ARHGEF2: variants seen among roughly 807,000 people sequenced by gnomAD.
ARHGEF2 encodes Rho/Rac guanine nucleotide exchange factor 2, also known as rho guanine nucleotide exchange factor 2.
Under a neutral mutation model 121.0 loss-of-function variants are expected in ARHGEF2, and 22 were observed. The ratio of observed to expected loss-of-function variants is 0.18; its 90% CI spans 0.13 to 0.26. The LOEUF is 0.26. ARHGEF2 is among the 10% of genes least tolerant of loss of function. The pLI is 1.00. For synonymous variants in ARHGEF2, 487 were observed against 530.0 expected, an observed-to-expected ratio of 0.92 and a Z score of 1.11; for missense variants, 907 against 1,336.0, an observed-to-expected ratio of 0.68 and a Z score of 5.01.
At chr1:155,960,933 C>T (rs2102656258) in intron 11 of ARHGEF2, among the ~76,000 whole-genome samples, 1 of 152,314 alleles carries the variant, frequency 6.6e-6, no homozygotes, top group Non-Finnish European at 1.5e-5. Flanking sequence ...GCTGTCTCTT[C>T]TCCTCCCTGC....
At position 155,952,256 on chromosome 1, in the gene ARHGEF2, G is replaced by A. The variant is rs755162571; in HGVS notation, c.1985-21C>T. ...CTCCACTGTGGGGAAAGAGGAAGAG[G>A]TGAGAACAGGAATGACACAGGACCC... is the stretch of plus-strand genomic sequence containing the variant. On this transcript the variant is annotated intron_variant, in intron 15 of 21. Transcript: ENST00000361247. The A allele has an allele frequency of 3.1e-6, 5 of 1,613,500 alleles. No individual in the cohort carries two copies. The South Asian group carries it at 3.3e-5, about 11-fold the overall frequency.
In ARHGEF2 at chr1:155,951,505, T is replaced by C. The variant is rs1236531052; in HGVS notation, c.2237A>G (p.Tyr746Cys). The C allele has an allele frequency of 6.2e-6, 10 of 1,613,986 alleles. No individual in the cohort carries two copies. Among genetic ancestry groups the C allele is most frequent in the South Asian group, 1.1e-5 (1 of 91,088 alleles). ...GACCTGTAGGCCATGTAGAAGTCCA[T>C]AGAGATTGACCAATCGCTGTAACGC... is the stretch of plus-strand genomic sequence containing the variant. The part of the protein sequence containing the change: ...EEALQRLVNL[Y>C]GLLHGLQAAV... Residue 746 changes from tyrosine (Y) to cysteine (C), a missense_variant, in exon 19 of 22, where the codon TAT becomes TGT. Physicochemically the swap from Tyr to Cys is radical, Grantham distance 194. Around this residue, in one of 2 missense-constraint regions of ARHGEF2, gnomAD observed 432 missense variants for 559.5 expected, o/e 0.77. Coordinates refer to ENST00000361247, the MANE Select transcript of ARHGEF2 (RefSeq NM_001162383.2). The surrounding 1 kb of genome is among the most constrained non-coding windows in gnomAD (Gnocchi z 5.1).
In ARHGEF2 at chr1:155,965,665, A is replaced by G. The variant is rs2102673285; in HGVS notation, c.436T>C (p.Leu146=). The G allele has an allele frequency of 6.2e-7, 1 of 1,611,524 alleles. No homozygotes were observed. Among genetic ancestry groups the G allele is most frequent in the South Asian group, 1.1e-5 (1 of 90,838 alleles). The change falls in exon 5 of 22, where the codon TTA becomes CTA. Residue 146 remains leucine, a synonymous_variant. Coordinates refer to ENST00000361247, the MANE Select transcript of ARHGEF2 (RefSeq NM_001162383.2). This position sits in a 1 kb window ranked among gnomAD's most constrained non-coding sequence, Gnocchi z 6.0. ...TTGGTGGTAGAAACACTCTTGGCTAAAGACAAGGAGGAGCGGCCACGGCGG... is the reference window on the plus strand; with the variant it reads ...TTGGTGGTAGAAACACTCTTGGCTAGAGACAAGGAGGAGCGGCCACGGCGG... The part of the protein sequence containing the change: ...GSRRGRSSLS[L]AKSVSTTNIA...
intron 11 of ARHGEF2, among the ~76,000 whole-genome samples, chr1:155,958,835 T>G (rs985558221): frequency 6.9e-6 from 1 of 145,854 alleles, no homozygotes; most frequent in African/African-American, 2.6e-5. Flanking sequence ...AGTTTCGGCC[T>G]CCCAAAGTGC....
intron 11 of ARHGEF2, among the ~76,000 whole-genome samples, chr1:155,960,090 C>T (rs1677576249): frequency 6.6e-6 from 1 of 152,148 alleles, no homozygotes; most frequent in African/African-American, 2.4e-5. Flanking sequence ...ACACTCCAAG[C>T]TCTCAGATCC....
At position 155,978,513 on chromosome 1, in the gene ARHGEF2, G is replaced by A; in HGVS notation, c.-86C>T. 7.6e-7 allele frequency: 1 copy of A among 1,318,658 alleles called. No homozygotes were observed. Among genetic ancestry groups the A allele is most frequent in the Admixed American group, 3.4e-5 (1 of 29,164 alleles). 81.7% of individuals were successfully genotyped at this position (1,318,658 alleles called of 1,614,324 possible). On this transcript the variant is annotated 5_prime_UTR_variant, in exon 1 of 22. Coordinates refer to ENST00000361247, the MANE Select transcript of ARHGEF2 (RefSeq NM_001162383.2). This position sits in a 1 kb window ranked among gnomAD's most constrained non-coding sequence, Gnocchi z 4.1. The stretch of plus-strand genomic sequence containing the variant: ...GAAGGCGGGGGGAGGGGTTCGGCCC[G>A]CACGCGTTGGTCTCGGGGACAGGAA...
chr1:155,966,876 T>G lies in ARHGEF2; in HGVS notation c.220A>C (p.Thr74Pro), dbSNP rs1474552110. The change falls in exon 3 of 22, where the codon ACT becomes CCT. Residue 74 changes from threonine (T) to proline (P), a missense_variant. Transcript: ENST00000361247. ...EALICPTCNV[T>P]IHNRCKDTLA... ...GTGTCTTTACAGCGGTTGTGGATAG[T>G]CACATTGCAGGCTGGGAGGGTGGGG... The G allele has an allele frequency of 6.2e-7, 1 of 1,613,392 alleles. No homozygotes were observed. The highest frequency in any genetic ancestry group is 1.7e-5 in the Admixed American group (1 of 59,954).
chr1:155,966,303 G>A (rs1679360343), intron 4 of ARHGEF2, 113 bp downstream of exon 4: 1 of 1,037,060 alleles, frequency 9.6e-7, no homozygotes, highest in Non-Finnish European at 1.5e-6. Flanking sequence ...TTCCAATCAA[G>A]AAGAGGAAGG....
chr1:155,972,379 C>T (rs992667103), intron 1 of ARHGEF2: 7 of 445,604 alleles, frequency 1.6e-5, no homozygotes, highest in African/African-American at 8.0e-5. Context: ...GCTATTGTCC[C>T]GGAGGTTGCC....
chr1:155,950,574 C>G lies in ARHGEF2; in HGVS notation c.2704-92G>C, dbSNP rs373744397. The G allele has an allele frequency of 1.3e-4, 171 of 1,366,288 alleles. No individual in the cohort carries two copies. Among genetic ancestry groups the G allele is most frequent in the East Asian group, 9.9e-4 (43 of 43,468 alleles). The allele number at this position is 1,366,288 out of a possible 1,614,324, so 84.6% of individuals were successfully genotyped here. On this transcript the variant is annotated intron_variant, in intron 20 of 21. Transcript: ENST00000361247. This position sits in a 1 kb window ranked among gnomAD's most constrained non-coding sequence, Gnocchi z 5.2. ...TTGGCTGAAGGCAGCAGCTCTCCCCCCTGGGGCTCACCCATGAGTCCCCTT... is the reference window on the plus strand; with the variant it reads ...TTGGCTGAAGGCAGCAGCTCTCCCCGCTGGGGCTCACCCATGAGTCCCCTT...
At chr1:155,948,504 GCCTGTAATCC>G (rs1674749117) in intron 21 of ARHGEF2, among the ~76,000 whole-genome samples, 1 of 151,972 alleles carries the variant, frequency 6.6e-6, no homozygotes, top group Non-Finnish European at 1.5e-5. Context: ...GGTGGCATGC[GCCTGTAATCC>G]CAGCTACTCG....
rs1679116049 is a variant in ARHGEF2 at position 155,965,184 on chromosome 1, T to G, written c.581-53A>C. 23 of 1,610,002 alleles carry G rather than the reference T, an allele frequency of 1.4e-5. No homozygotes were observed. The highest frequency in any genetic ancestry group is 1.9e-5 in the Non-Finnish European group (22 of 1,177,104). On this transcript the variant is annotated intron_variant, in intron 6 of 21. Coordinates refer to ENST00000361247, the MANE Select transcript of ARHGEF2 (RefSeq NM_001162383.2). The surrounding 1 kb of genome is among the most constrained non-coding windows in gnomAD (Gnocchi z 6.0). ...GAGGTCTTGAGTTCCCTTCCCTGGG[T>G]CCCTGGCCCTTCTCTAGATCCCTTC...
intron 7 of ARHGEF2, 52 bp from the exon 8 acceptor site, chr1:155,963,235 G>C (rs754120502): frequency 6.3e-7 from 1 of 1,584,408 alleles, no homozygotes; most frequent in African/African-American, 1.3e-5. Context: ...GCTAAAACTC[G>C]TGGGGCCCTA....
chr1:155,947,943 T>TA lies in ARHGEF2; in HGVS notation c.2959dup (p.Ter987LeufsTer17). On this transcript the variant is annotated frameshift_variant and stop_lost, in exon 22 of 22. Coordinates refer to ENST00000361247, the MANE Select transcript of ARHGEF2 (RefSeq NM_001162383.2). LOFTEE classifies it high-confidence loss of function. The stretch of plus-strand genomic sequence containing the variant: ...ACGGGGCAGGGGGGAGGGGCCCCCT[T>TA]AGCTCTCGGAGGCTACAGCCTCCCC... The TA allele has an allele frequency of 6.5e-7, 1 of 1,549,756 alleles. No individual in the cohort carries two copies.
Position 155,947,859 on chromosome 1 carries a change from A to G in ARHGEF2, c.*83T>C, listed in dbSNP as rs1674633922. ...TTGCAGTTCTTTCAAATGTTCCCTC[A>G]TCATTGGCAAATTGGAGTCCCCAAG... is the stretch of plus-strand genomic sequence containing the variant. On this transcript the variant is annotated 3_prime_UTR_variant, in exon 22 of 22. Transcript: ENST00000361247. 1 of 775,118 alleles carries G rather than the reference A, an allele frequency of 1.3e-6. No homozygotes were observed. Among genetic ancestry groups the G allele is most frequent in the African/African-American group, 1.8e-5 (1 of 56,630 alleles). The allele number at this position is 775,118 out of a possible 1,614,324, so 48.0% of individuals were successfully genotyped here.
chr1:155,968,361 T>C (rs114868685), intron 2 of ARHGEF2: 1 of 152,168 alleles, frequency 6.6e-6, no homozygotes, highest in Non-Finnish European at 1.5e-5. Context: ...CTAGAGCTTT[T>C]GTCCGCTATT....
Position 155,951,416 on chromosome 1 carries a change from C to A in ARHGEF2, c.2259+67G>T, listed in dbSNP as rs1045089502. 5 of 1,599,708 alleles carry A rather than the reference C, an allele frequency of 3.1e-6. No individual in the cohort carries two copies. The highest frequency in any genetic ancestry group is 2.2e-5 in the East Asian group (1 of 44,678). ...AGAAAGGCCTGTTGGGATGACCATGCCCCACCTAAACAGGCATCTCTAGCC... is the reference window on the plus strand; with the variant it reads ...AGAAAGGCCTGTTGGGATGACCATGACCCACCTAAACAGGCATCTCTAGCC... On this transcript the variant is annotated intron_variant, in intron 19 of 21. Coordinates refer to ENST00000361247, the MANE Select transcript of ARHGEF2 (RefSeq NM_001162383.2). This position sits in a 1 kb window ranked among gnomAD's most constrained non-coding sequence, Gnocchi z 5.1.
intron 13 of ARHGEF2, 46 bp downstream of exon 13, chr1:155,957,667 G>A: frequency 1.9e-6 from 3 of 1,558,096 alleles, no homozygotes; most frequent in Non-Finnish European, 2.6e-6. Context: ...AATGCTGCAG[G>A]TACCCTGAGG....
chr1:155,965,690 G>T lies in ARHGEF2; in HGVS notation c.411C>A (p.Ser137=). The change falls in exon 5 of 22, where the codon TCC becomes TCA. Residue 137 remains serine (S), a synonymous_variant. Transcript: ENST00000361247. This position sits in a 1 kb window ranked among gnomAD's most constrained non-coding sequence, Gnocchi z 6.0. ...AAGACAAGGAGGAGCGGCCACGGCGGGAGCCCAGGAGGGACTGCCGGAAGC... is the reference window on the plus strand; with the variant it reads ...AAGACAAGGAGGAGCGGCCACGGCGTGAGCCCAGGAGGGACTGCCGGAAGC... ...SDSFRQSLLG[S]RRGRSSLSLA... is the part of the protein sequence containing the mutation. The T allele has an allele frequency of 6.2e-7, 1 of 1,606,740 alleles. No individual in the cohort carries two copies. The highest frequency in any genetic ancestry group is 8.5e-7 in the Non-Finnish European group (1 of 1,178,240).
Sources: gnomAD v4.1 joint callset for allele counts (sites outside exome capture counted in the v4.1 genomes callset) on GRCh38, gnomAD v4.1.1 for gene constraint, gnomAD v4.1.1 regional missense constraint, Gnocchi (gnomAD v3.1) non-coding constraint, MANE v1.5 for transcripts, NCBI Gene and HGNC (gene_info 2026-07-23, HGNC 2026-07-21) for gene names.